NECTIN3: variants seen among roughly 807,000 people sequenced by gnomAD.
NECTIN3 encodes nectin-3.
A neutral mutation model predicts 49.4 loss-of-function variants in NECTIN3; 8 were observed. That is an observed-to-expected ratio of 0.16 (90% confidence interval 0.10 to 0.29). The LOEUF (loss-of-function observed/expected upper bound fraction) is 0.29. NECTIN3 is among the 10% of genes least tolerant of loss of function. The pLI is 1.00. For synonymous variants in NECTIN3, 277 were observed against 241.1 expected (o/e 1.15, Z -1.38); for missense variants, 581 against 654.6 (o/e 0.89, Z 1.23).
At chr3:111,130,346 A>AACTCATC in intron 5 of NECTIN3, among the ~76,000 whole-genome samples, 1 of 151,644 alleles carries the variant, frequency 6.6e-6, no homozygotes, top group South Asian at 2.1e-4. Context: ...GAGATTAGTT[A>AACTCATC]ACTCATCTAA....
At chr3:111,105,900 G>A (rs1044212188) in intron 1 of NECTIN3, among the ~76,000 whole-genome samples, 9 of 151,108 alleles carry the variant, frequency 6.0e-5, no homozygotes, top group African/African-American at 1.7e-4. Context: ...GTAAGGTGTC[G>A]TCTCTATTCT....
intron 1 of NECTIN3, among the ~76,000 whole-genome samples, chr3:111,107,184 ATCT>A (rs1330806602): frequency 1.3e-5 from 2 of 152,024 alleles, no homozygotes; most frequent in Admixed American, 6.6e-5. Flanking sequence ...TGTCACAAGC[ATCT>A]TCTTGAATGT....
intron 7 of NECTIN3, among the ~76,000 whole-genome samples, chr3:111,177,237 T>A (rs2035547272): frequency 6.6e-6 from 1 of 151,932 alleles, no homozygotes; most frequent in African/African-American, 2.4e-5. Flanking sequence ...CATTTATCTA[T>A]ACCCTTACCT....
At chr3:111,193,383 TTC>T (rs1192994454) in intron 1 of NECTIN3, 1 of 1,530,788 alleles carries the variant, frequency 6.5e-7, no homozygotes, top group East Asian at 2.4e-5. Flanking sequence ...TGTGTGATTT[TTC>T]TCTTTTTCCA....
Position 111,097,351 on chromosome 3 carries a change from A to G in NECTIN3, c.161-14679A>G, listed in dbSNP as rs984142945. Among the ~76,000 whole-genome samples the G allele has an allele frequency of 2.0e-5, 3 of 152,216 alleles. 1 individual carries two copies. The South Asian group carries it at 6.2e-4, about 31-fold the overall frequency. On this transcript the variant is annotated intron_variant, in intron 1 of 5. Transcript: ENST00000485303. ...CTTGCTTTTGACTTTACAGGCTCAT[A>G]GGCAGAAGGGACTTGCCTTGTCTCG...
At chr3:111,098,865 C>T (rs1160360420) in intron 1 of NECTIN3, among the ~76,000 whole-genome samples, 1 of 151,520 alleles carries the variant, frequency 6.6e-6, no homozygotes, top group African/African-American at 2.4e-5. Flanking sequence ...GCTTCATCTC[C>T]TTTGTCCTTC....
chr3:111,130,884 C>A (rs1198780442), intron 5 of NECTIN3, among the ~76,000 whole-genome samples: 1 of 152,018 alleles, frequency 6.6e-6, no homozygotes, highest in Non-Finnish European at 1.5e-5. Context: ...TTAACTAATA[C>A]CTGTTTCTTA....
chr3:111,073,733 G>A (rs553337823), intron 1 of NECTIN3, among the ~76,000 whole-genome samples: 1 of 152,278 alleles, frequency 6.6e-6, no homozygotes, highest in African/African-American at 2.4e-5. Flanking sequence ...AGGACTGAGA[G>A]AATATTTATA....
Position 111,152,374 on chromosome 3 carries a change from T to C in NECTIN3, c.1221+4890T>C, listed in dbSNP as rs529981384. 3.3e-5 allele frequency among the ~76,000 whole-genome samples: 5 copies of C among 152,024 alleles called. No individual in the cohort carries two copies. The South Asian group carries it at 1.0e-3, about 32-fold the overall frequency. On this transcript the variant is annotated intron_variant, in intron 7 of 8. Transcript: ENST00000493615. ...ACCAATAATATATAAAAATACCTGT[T>C]TCTCCACAACCTCACCAATAGTATG... is the stretch of plus-strand genomic sequence containing the variant.
At chr3:111,091,357 G>A (rs998018868) in intron 1 of NECTIN3, among the ~76,000 whole-genome samples, 69 of 151,984 alleles carry the variant, frequency 4.5e-4, no homozygotes, top group African/African-American at 1.6e-3. Context: ...CCAGGTTCAC[G>A]CCATCTCCTG....
intron 1 of NECTIN3, among the ~76,000 whole-genome samples, chr3:111,085,037 T>G (rs899955560): frequency 2.0e-5 from 3 of 152,216 alleles, no homozygotes; most frequent in Non-Finnish European, 4.4e-5. Context: ...CTGTGTCTCT[T>G]TAGTGTTTCT....
chr3:111,136,923 A>C lies in NECTIN3; in HGVS notation c.*2708A>C, dbSNP rs2034599129. ...ATATTTGAGAAGTGCTTTAGAGTTG[A>C]AAGATTTAGTATTTTACCACGTGCC... On this transcript the variant is annotated 3_prime_UTR_variant, in exon 6 of 6. Transcript: ENST00000485303. The C allele has an allele frequency of 1.0e-6, 1 of 969,810 alleles. No homozygotes were observed. The highest frequency in any genetic ancestry group is 1.2e-6 in the Non-Finnish European group (1 of 815,932). The allele number at this position is 969,810 out of a possible 1,614,324, so 60.1% of individuals were successfully genotyped here. A position where few individuals can be genotyped will look rare whatever the true frequency, so the allele number is the denominator to read the frequency against.
chr3:111,164,993 A>G (rs2035289462), intron 7 of NECTIN3, among the ~76,000 whole-genome samples: 2 of 152,028 alleles, frequency 1.3e-5, no homozygotes, highest in South Asian at 4.2e-4. Context: ...TATTGAATAC[A>G]GCTAAGCTTA....
At chr3:111,094,984 G>T (rs1231979007) in intron 1 of NECTIN3, among the ~76,000 whole-genome samples, 1 of 152,074 alleles carries the variant, frequency 6.6e-6, no homozygotes, top group Admixed American at 6.6e-5. Context: ...AGTTATGATT[G>T]CTATGTTAAC....
At position 111,082,140 on chromosome 3, in the gene NECTIN3, A is replaced by T. The variant is rs190430674; in HGVS notation, c.160+9963A>T. Among the ~76,000 whole-genome samples, 396 of 152,222 alleles carry T rather than the reference A, an allele frequency of 2.6e-3. 4 individuals are homozygous for T. Among genetic ancestry groups the T allele is most frequent in the Middle Eastern group, 6.8e-3 (2 of 294 alleles). Reference sequence around the variant, plus strand: ...ATATCATTGTGGGTAAGGAAGGAGGAGTTAGATATGAACCAACTTGGAATA... The same window carrying T: ...ATATCATTGTGGGTAAGGAAGGAGGTGTTAGATATGAACCAACTTGGAATA... On this transcript the variant is annotated intron_variant, in intron 1 of 5. Coordinates refer to ENST00000485303, the MANE Select transcript of NECTIN3 (RefSeq NM_015480.3).
At position 111,135,213 on chromosome 3, in the gene NECTIN3, A is replaced by G. The variant is rs1056694280; in HGVS notation, c.*998A>G. The G allele has an allele frequency of 3.1e-6, 3 of 976,810 alleles. No homozygotes were observed. The highest frequency in any genetic ancestry group is 1.8e-5 in the African/African-American group (1 of 56,976). The allele number at this position is 976,810 out of a possible 1,614,324, so 60.5% of individuals were successfully genotyped here. A position where few individuals can be genotyped will look rare whatever the true frequency, so the allele number is the denominator to read the frequency against. On this transcript the variant is annotated 3_prime_UTR_variant, in exon 6 of 6. Coordinates refer to ENST00000485303, the MANE Select transcript of NECTIN3 (RefSeq NM_015480.3). ...TTGTTCAAATGGGTAAATGTACAGA[A>G]AGAAAATTTTAGAGTAAACTTGGAA...
chr3:111,134,841 T>A lies in NECTIN3; in HGVS notation c.*626T>A. 1 of 982,430 alleles carries A rather than the reference T, an allele frequency of 1.0e-6. No individual in the cohort carries two copies. Among genetic ancestry groups the A allele is most frequent in the Non-Finnish European group, 1.2e-6 (1 of 827,286 alleles). 60.9% of individuals were successfully genotyped at this position (982,430 alleles called of 1,614,324 possible). ...TGTAGAGTGGCTTTTCAAAGATATT[T>A]TGTTGCACTAAAACTGTGGTAGTAA... On this transcript the variant is annotated 3_prime_UTR_variant, in exon 6 of 6. Transcript: ENST00000485303.
At chr3:111,099,857 G>A (rs1338345407) in intron 1 of NECTIN3, among the ~76,000 whole-genome samples, 2 of 152,148 alleles carry the variant, frequency 1.3e-5, no homozygotes, top group Non-Finnish European at 2.9e-5. Context: ...AACAATTTTA[G>A]TGCTTCTTCC....
chr3:111,181,405 A>T (rs182874935), intron 7 of NECTIN3, among the ~76,000 whole-genome samples: 1 of 152,296 alleles, frequency 6.6e-6, no homozygotes, highest in Admixed American at 6.5e-5. Flanking sequence ...GATGTTGTGA[A>T]GAAAAAAACC....
Sources: gnomAD v4.1 joint callset for allele counts (sites outside exome capture counted in the v4.1 genomes callset) on GRCh38, gnomAD v4.1.1 for gene constraint, MANE v1.5 for transcripts, NCBI Gene and HGNC (gene_info 2026-07-23, HGNC 2026-07-21) for gene names.